PELP1: variants seen among roughly 807,000 people sequenced by gnomAD.
The protein encoded by PELP1 is proline, glutamate and leucine rich protein 1.
Under a neutral mutation model 95.5 loss-of-function variants are expected in PELP1, and 32 were observed. That is an observed-to-expected ratio of 0.34 (90% CI 0.25 to 0.45). The LOEUF (loss-of-function observed/expected upper bound fraction) is 0.45, where lower values mean the gene tolerates loss of function less well. PELP1 is among the 20% of genes least tolerant of loss of function. The pLI, the probability that PELP1 is intolerant of heterozygous loss-of-function variation, is 1.00. For synonymous variants in PELP1, 668 were observed against 600.1 expected, an observed-to-expected ratio of 1.11 and a Z score of -1.65; for missense variants, 1,358 against 1,444.8, an observed-to-expected ratio of 0.94 and a Z score of 0.97.
rs1450707036 is a variant in PELP1, at chr17:4,672,386, C to T, written c.2605G>A (p.Gly869Arg). Reference protein sequence around the residue: ...QLVPEGTPGGGGPPALEEDLT... With the variant: ...QLVPEGTPGGRGPPALEEDLT... ...TCCTCTTCCAGGGCTGGGGGTCCTC[C>T]CCCACCAGGAGTCCCTTCAGGGACC... The change falls in exon 16 of 17, where the codon GGA (glycine) becomes AGA (arginine). Residue 869 changes from glycine to arginine, a missense_variant. Transcript: ENST00000572293. The T allele has an allele frequency of 6.4e-7, 1 of 1,555,872 alleles. No homozygotes were observed. Among genetic ancestry groups the T allele is most frequent in the Non-Finnish European group, 8.7e-7 (1 of 1,149,256 alleles).
At chr17:4,674,163 C>T (rs1461384230) in intron 13 of PELP1, among the ~76,000 whole-genome samples, 2 of 152,196 alleles carry the variant, frequency 1.3e-5, no homozygotes, top group African/African-American at 2.4e-5. Context: ...ACACCAAGGA[C>T]GTGCTGAACG....
Position 4,682,945 on chromosome 17 carries a change from T to C in PELP1, c.428A>G (p.Asp143Gly). Residue 143 changes from aspartate (D) to glycine (G), a missense_variant, in exon 4 of 17, where the codon GAC (aspartate) becomes GGC (glycine). Physicochemically the swap from Asp to Gly is moderately conservative, Grantham distance 94. This residue lies in a region of PELP1 where 538 missense variants were observed against 628.1 expected (regional missense o/e 0.86). Coordinates refer to ENST00000572293, the MANE Select transcript of PELP1 (RefSeq NM_014389.3). ...RSIQQVLQTQ[D>G]PPATMELAVA... ...GGCCAGCTCCATTGTGGCAGGCGGG[T>C]CCTGGGTCTAAAGAAAAAAATAATG... The C allele has an allele frequency of 1.4e-6, 2 of 1,398,300 alleles. No homozygotes were observed. Among genetic ancestry groups the C allele is most frequent in the Non-Finnish European group, 9.2e-7 (1 of 1,081,626 alleles). The allele number at this position is 1,398,300 out of a possible 1,614,324, so 86.6% of individuals were successfully genotyped here. A position where few individuals can be genotyped will look rare whatever the true frequency, so the allele number is the denominator to read the frequency against.
chr17:4,692,054 A>G (rs1018047621), intron 1 of PELP1, among the ~76,000 whole-genome samples: 22 of 152,304 alleles, frequency 1.4e-4, no homozygotes, highest in Middle Eastern at 3.4e-3. Context: ...AACGGCGTGC[A>G]TCGTTCCTTC....
At position 4,685,085 on chromosome 17, in the gene PELP1, T is replaced by C. The variant is rs553699693; in HGVS notation, c.421-2133A>G. Among the ~76,000 whole-genome samples, 6 of 152,230 alleles carry C rather than the reference T, an allele frequency of 3.9e-5. No homozygotes were observed. The South Asian group carries it at 1.2e-3, about 32-fold the overall frequency. ...GTTAGAGCCCAGCATCTCGAAAAGA[T>C]TTCCCATCTTCTCTCCTTCCATTTC... On this transcript the variant is annotated intron_variant, in intron 3 of 16. Coordinates refer to ENST00000572293, the MANE Select transcript of PELP1 (RefSeq NM_014389.3).
intron 3 of PELP1, among the ~76,000 whole-genome samples, chr17:4,686,988 A>G (rs1912928277): frequency 1.3e-5 from 2 of 152,150 alleles, no homozygotes; most frequent in South Asian, 4.1e-4. Flanking sequence ...CATCAATTCT[A>G]GCCACATGCT....
In PELP1 at chr17:4,673,367, G is replaced by C; in HGVS notation, c.1728C>G (p.Arg576=). 6.3e-7 allele frequency: 1 copy of C among 1,596,226 alleles called. No homozygotes were observed. The highest frequency in any genetic ancestry group is 1.3e-5 in the African/African-American group (1 of 74,694). Residue 576 remains arginine, a synonymous_variant, in exon 15 of 17, where the codon CGC becomes CGG. Coordinates refer to ENST00000572293, the MANE Select transcript of PELP1 (RefSeq NM_014389.3). The surrounding 1 kb of genome is among the most constrained non-coding windows in gnomAD (Gnocchi z 5.7). ...CCAGCAGCAGGCAGTAGAGTTCACGGCGGCAGCGGGAGCTCGTGTACGGGG... is the reference window on the plus strand; with the variant it reads ...CCAGCAGCAGGCAGTAGAGTTCACGCCGGCAGCGGGAGCTCGTGTACGGGG... ...GSSPYTSSRC[R]RELYCLLLAL... is the part of the protein sequence containing the mutation.
At position 4,690,903 on chromosome 17, in the gene PELP1, A is replaced by G. The variant is rs760211209; in HGVS notation, c.405T>C (p.Ile135=). The change falls in exon 3 of 17, where the codon ATT becomes ATC. Residue 135 remains isoleucine (I), a synonymous_variant. Transcript: ENST00000572293. ...QQHCVSWLRS[I]QQVLQTQDPP... The stretch of plus-strand genomic sequence containing the variant: ...GAAACCTCACCTGTAACACCTGCTG[A>G]ATGCTCCGAAGCCAAGACACACAGT... The G allele has an allele frequency of 3.7e-6, 6 of 1,612,492 alleles. No homozygotes were observed. In the Admixed American group the frequency reaches 6.7e-5, roughly 18 times the overall value.
In PELP1 at chr17:4,676,057, C is replaced by A. The variant is rs747418545; in HGVS notation, c.959G>T (p.Arg320Leu). Reference sequence around the variant, plus strand: ...ACACCTGAGCATGAGCCCTAGGCAGCGGGCCAGTCCCGAAAACCTCTGCCG... The same window carrying A: ...ACACCTGAGCATGAGCCCTAGGCAGAGGGCCAGTCCCGAAAACCTCTGCCG... ...QLRQRFSGLA[R>L]CLGLMLSSEF... The change falls in exon 8 of 17, where the codon CGC (arginine) becomes CTC (leucine). Residue 320 changes from arginine to leucine, a missense_variant. Transcript: ENST00000572293. 1 of 1,613,904 alleles carries A rather than the reference C, an allele frequency of 6.2e-7. No individual in the cohort carries two copies. The highest frequency in any genetic ancestry group is 8.5e-7 in the Non-Finnish European group (1 of 1,179,864).
chr17:4,673,413 T>C lies in PELP1; in HGVS notation c.1682A>G (p.Gln561Arg). 1 of 1,595,842 alleles carries C rather than the reference T, an allele frequency of 6.3e-7. No individual in the cohort carries two copies. Among genetic ancestry groups the C allele is most frequent in the Non-Finnish European group, 8.5e-7 (1 of 1,171,780 alleles). Residue 561 changes from glutamine (Q) to arginine (R), a missense_variant, in exon 15 of 17, where the codon CAG (glutamine) becomes CGG (arginine). Physicochemically the swap from Gln to Arg is conservative, Grantham distance 43. Transcript: ENST00000572293. This position sits in a 1 kb window ranked among gnomAD's most constrained non-coding sequence, Gnocchi z 5.7. ...LVLPLVMGVQ[Q>R]GEVLGSSPYT... ...CGGGGAGCTGCCTAGGACCTCACCC[T>C]GCTGTACACCCATGACCAGGGGGAG...
intron 5 of PELP1, 84 bp from the exon 6 acceptor site, chr17:4,676,896 A>G: frequency 9.7e-7 from 1 of 1,028,390 alleles, no homozygotes; most frequent in East Asian, 2.6e-5. Context: ...CCAGCAGCAG[A>G]CTCTAAGCCC....
At chr17:4,699,316 CT>C (rs1913427781) in intron 1 of PELP1, among the ~76,000 whole-genome samples, 1 of 151,806 alleles carries the variant, frequency 6.6e-6, no homozygotes, top group East Asian at 1.9e-4. Context: ...GGAGGCAGAG[CT>C]TGCAGTGAGC....
chr17:4,699,419 A>G (rs547523810), intron 1 of PELP1, among the ~76,000 whole-genome samples: 245 of 152,310 alleles, frequency 1.6e-3, no homozygotes, highest in Non-Finnish European at 3.2e-3. Context: ...AGAAGGGTAT[A>G]TATTGAAATT....
At chr17:4,698,847 T>TA (rs564157196) in intron 1 of PELP1, among the ~76,000 whole-genome samples, 7 of 152,252 alleles carry the variant, frequency 4.6e-5, no homozygotes, top group African/African-American at 1.2e-4. Flanking sequence ...ATCATGATGA[T>TA]AGAGTATGAT....
At chr17:4,685,592 C>T (rs1006012160) in intron 3 of PELP1, among the ~76,000 whole-genome samples, 2 of 150,546 alleles carry the variant, frequency 1.3e-5, no homozygotes, top group African/African-American at 4.9e-5. Context: ...AAGTTCGAGA[C>T]CAGCCTGGAC....
At chr17:4,683,404 T>C (rs1358735314) in intron 3 of PELP1, among the ~76,000 whole-genome samples, 1 of 151,776 alleles carries the variant, frequency 6.6e-6, no homozygotes, top group Non-Finnish European at 1.5e-5. Context: ...GTATTTTTAG[T>C]AGAGACGGGG....
chr17:4,673,635 T>C lies in PELP1; in HGVS notation c.1622A>G (p.Lys541Arg). 1 of 1,613,848 alleles carries C rather than the reference T, an allele frequency of 6.2e-7. No homozygotes were observed. The highest frequency in any genetic ancestry group is 1.6e-4 in the Middle Eastern group (1 of 6,062). The part of the protein sequence containing the change: ...RTILMCGPLI[K>R]EETHRRLHDL... The stretch of plus-strand genomic sequence containing the variant: ...TCCACTAACCCTGTGAGTCTCCTCC[T>C]TGATGAGAGGCCCACACATGAGGAT... The change falls in exon 14 of 17, where the codon AAG becomes AGG. Residue 541 changes from lysine to arginine, a missense_variant. By Grantham distance (26) the Lys-to-Arg change is conservative. Around this residue, in one of 7 missense-constraint regions of PELP1, gnomAD observed 538 missense variants for 628.1 expected, o/e 0.86. Coordinates refer to ENST00000572293, the MANE Select transcript of PELP1 (RefSeq NM_014389.3). This position sits in a 1 kb window ranked among gnomAD's most constrained non-coding sequence, Gnocchi z 5.7.
intron 1 of PELP1, among the ~76,000 whole-genome samples, chr17:4,701,109 AT>A (rs1913511974): frequency 6.6e-6 from 1 of 151,614 alleles, no homozygotes; most frequent in Admixed American, 6.6e-5. Flanking sequence ...GGAAAATACT[AT>A]TTATGTCTGA....
chr17:4,685,386 T>A (rs942004735), intron 3 of PELP1, among the ~76,000 whole-genome samples: 14 of 152,172 alleles, frequency 9.2e-5, no homozygotes, highest in African/African-American at 3.4e-4. Context: ...TTCCTCTACC[T>A]GACCATTAAG....
At chr17:4,679,107 C>T (rs998608785) in intron 5 of PELP1, among the ~76,000 whole-genome samples, 1 of 151,880 alleles carries the variant, frequency 6.6e-6, no homozygotes, top group Admixed American at 6.6e-5. Context: ...GCTCACTGCA[C>T]CCTCTGCCTC....
Sources: gnomAD v4.1 joint callset for allele counts (sites outside exome capture counted in the v4.1 genomes callset) on GRCh38, gnomAD v4.1.1 for gene constraint, gnomAD v4.1.1 regional missense constraint, Gnocchi (gnomAD v3.1) non-coding constraint, MANE v1.5 for transcripts, NCBI Gene and HGNC (gene_info 2026-07-23, HGNC 2026-07-21) for gene names.